CAMKMT: variants seen among roughly 807,000 people sequenced by gnomAD.
The protein encoded by CAMKMT is CaM KMT.
In CAMKMT, 53 loss-of-function variants were observed where a neutral mutation model predicts 48.0. That is an observed-to-expected ratio of 1.10 (90% CI 0.89 to 1.39). The LOEUF is 1.39. CAMKMT is among the 40% of genes most tolerant of loss of function. CAMKMT has a pLI of 0.00. For synonymous variants in CAMKMT, 165 were observed against 152.3 expected, an observed-to-expected ratio of 1.08 and a Z score of -0.61; for missense variants, 428 against 402.7, an observed-to-expected ratio of 1.06 and a Z score of -0.54.
chr2:44,674,941 GGTGTGACTCC>G (rs1248928858), intron 3 of CAMKMT, among the ~76,000 whole-genome samples: 1 of 151,158 alleles, frequency 6.6e-6, no homozygotes, highest in Non-Finnish European at 1.5e-5. Flanking sequence ...CCCTGAAAAA[GGTGTGACTCC>G]CTCCTTTCTT....
chr2:44,675,059 T>C (rs1675592865), intron 3 of CAMKMT, among the ~76,000 whole-genome samples: 1 of 150,200 alleles, frequency 6.7e-6, no homozygotes. Flanking sequence ...GCAAACATGC[T>C]CGGGATTTAC....
chr2:44,462,774 GA>G (rs891016767), intron 3 of CAMKMT, among the ~76,000 whole-genome samples: 16 of 150,646 alleles, frequency 1.1e-4, no homozygotes, highest in South Asian at 2.1e-4. Flanking sequence ...CAGCTATTTA[GA>G]AAAAAAAATG....
chr2:44,570,647 T>C (rs1179218857), intron 3 of CAMKMT, among the ~76,000 whole-genome samples: 1 of 152,200 alleles, frequency 6.6e-6, no homozygotes, highest in African/African-American at 2.4e-5. Context: ...TATTCTTATC[T>C]GCTTCTGTTT....
intron 3 of CAMKMT, among the ~76,000 whole-genome samples, chr2:44,523,871 C>T (rs549211928): frequency 2.7e-5 from 4 of 148,200 alleles, no homozygotes; most frequent in South Asian, 2.2e-4. Context: ...TTTGCCTCCC[C>T]GGTTCAAGTG....
At chr2:44,494,032 A>G (rs1669639124) in intron 3 of CAMKMT, among the ~76,000 whole-genome samples, 1 of 152,234 alleles carries the variant, frequency 6.6e-6, no homozygotes. Context: ...AACTTCAAAC[A>G]ACATATGTTT....
chr2:44,722,353 A>G (rs1678518852), intron 7 of CAMKMT, among the ~76,000 whole-genome samples: 1 of 152,030 alleles, frequency 6.6e-6, no homozygotes, highest in Admixed American at 6.6e-5. Context: ...TTTTCTACCA[A>G]AAAGTATATG....
chr2:44,589,974 T>C (rs1038981583), intron 3 of CAMKMT, among the ~76,000 whole-genome samples: 2 of 149,890 alleles, frequency 1.3e-5, no homozygotes, highest in Non-Finnish European at 1.5e-5. Flanking sequence ...ACAACTGTTA[T>C]TTGTGTATTG....
chr2:44,591,948 T>C (rs1670309980), intron 3 of CAMKMT, among the ~76,000 whole-genome samples: 1 of 151,222 alleles, frequency 6.6e-6, no homozygotes, highest in South Asian at 2.1e-4. Flanking sequence ...TCATTCTCAG[T>C]AAAGTATCAC....
chr2:44,713,898 G>A (rs554237507), intron 6 of CAMKMT, among the ~76,000 whole-genome samples: 3 of 152,276 alleles, frequency 2.0e-5, no homozygotes, highest in Admixed American at 2.0e-4. Flanking sequence ...GTTTTTCTGA[G>A]CAATAGGAGA....
At chr2:44,369,247 C>T (rs980124276) in intron 1 of CAMKMT, among the ~76,000 whole-genome samples, 53 of 152,226 alleles carry the variant, frequency 3.5e-4, no homozygotes, top group African/African-American at 1.2e-3. Context: ...CAAAGAGAGA[C>T]TACCTTTTCC....
chr2:44,414,462 T>G lies in CAMKMT; in HGVS notation c.376+24157T>G, dbSNP rs533569063. 3.3e-5 allele frequency among the ~76,000 whole-genome samples: 5 copies of G among 152,288 alleles called. No individual in the cohort carries two copies. The South Asian group carries it at 1.0e-3, about 32-fold the overall frequency. ...TTGTTGGCAGGCCTCAGTTTCTTGC[T>G]AACTGTTGATTAGATGCTTCAGTTT... On this transcript the variant is annotated intron_variant, in intron 3 of 10. Coordinates refer to ENST00000378494, the MANE Select transcript of CAMKMT (RefSeq NM_024766.5).
At chr2:44,755,842 G>T (rs1680351914) in intron 9 of CAMKMT, among the ~76,000 whole-genome samples, 1 of 152,112 alleles carries the variant, frequency 6.6e-6, no homozygotes, top group Admixed American at 6.5e-5. Flanking sequence ...GAAGGGTGAG[G>T]CAGGGCCCTA....
chr2:44,408,981 A>G (rs1682975570), intron 3 of CAMKMT, among the ~76,000 whole-genome samples: 1 of 151,152 alleles, frequency 6.6e-6, no homozygotes, highest in Non-Finnish European at 1.5e-5. Flanking sequence ...AGCTCAAGCG[A>G]TTTGCCTGCC....
chr2:44,659,090 T>C (rs1195728208), intron 3 of CAMKMT, among the ~76,000 whole-genome samples: 1 of 149,440 alleles, frequency 6.7e-6, no homozygotes, highest in Admixed American at 6.7e-5. Flanking sequence ...TTTTTTTTTT[T>C]TTTTTTTTGG....
intron 8 of CAMKMT, among the ~76,000 whole-genome samples, chr2:44,747,641 T>C (rs371141885): frequency 1.3e-5 from 2 of 152,218 alleles, no homozygotes; most frequent in East Asian, 1.9e-4. Flanking sequence ...CATTGAAAAT[T>C]ACATAGGGGT....
At chr2:44,702,097 C>G (rs1255628167) in intron 3 of CAMKMT, among the ~76,000 whole-genome samples, 1 of 151,996 alleles carries the variant, frequency 6.6e-6, no homozygotes. Context: ...TTAATCAAGG[C>G]TTAAATTTTA....
intron 3 of CAMKMT, among the ~76,000 whole-genome samples, chr2:44,409,076 A>G: frequency 9.8e-6 from 1 of 101,840 alleles, no homozygotes; most frequent in Non-Finnish European, 2.1e-5. Context: ...TTGTTATTTC[A>G]GCCGATATAT....
chr2:44,501,871 A>G (rs905478921), intron 3 of CAMKMT, among the ~76,000 whole-genome samples: 6 of 152,054 alleles, frequency 3.9e-5, no homozygotes, highest in Admixed American at 2.6e-4. Flanking sequence ...GCAATAGAGT[A>G]GCGGGGTGGG....
intron 3 of CAMKMT, among the ~76,000 whole-genome samples, chr2:44,522,835 A>G (rs970414278): frequency 6.6e-6 from 1 of 152,172 alleles, no homozygotes; most frequent in Admixed American, 6.5e-5. Flanking sequence ...CTCCTCTGAC[A>G]TTTTATTATG....
Sources: gnomAD v4.1 joint callset for allele counts (sites outside exome capture counted in the v4.1 genomes callset) on GRCh38, gnomAD v4.1.1 for gene constraint, MANE v1.5 for transcripts, NCBI Gene and HGNC (gene_info 2026-07-23, HGNC 2026-07-21) for gene names.